The following LMX1A variants were observed in gnomAD, a reference collection of about 807,000 sequenced individuals.
The protein encoded by LMX1A is LIM homeobox transcription factor 1-alpha.
In LMX1A, 15 loss-of-function variants were observed where a neutral mutation model predicts 49.1. That is an observed-to-expected ratio of 0.31 (90% CI 0.20 to 0.47). The LOEUF (loss-of-function observed/expected upper bound fraction) is 0.47. Among genes scored for constraint, LMX1A ranks in the 20% least tolerant of loss-of-function variants. The pLI is 1.00. For missense variants in LMX1A, 372 were observed against 475.8 expected, an observed-to-expected ratio of 0.78 and a Z score of 2.03; for synonymous variants, 167 against 185.7, an observed-to-expected ratio of 0.90 and a Z score of 0.82.
intron 4 of LMX1A, among the ~76,000 whole-genome samples, chr1:165,235,159 G>A (rs988739354): frequency 7.4e-6 from 1 of 135,556 alleles, no homozygotes; most frequent in Non-Finnish European, 1.5e-5. Flanking sequence ...AGAGCGTATA[G>A]GGGGCGATGC....
chr1:165,238,155 C>A (rs1202899936), intron 4 of LMX1A, among the ~76,000 whole-genome samples: 1 of 152,214 alleles, frequency 6.6e-6, no homozygotes, highest in Non-Finnish European at 1.5e-5. Context: ...GAGTTCATTT[C>A]TCTGAAGAGT....
At chr1:165,346,848 C>G (rs867181422) in intron 3 of LMX1A, among the ~76,000 whole-genome samples, 1 of 152,122 alleles carries the variant, frequency 6.6e-6, no homozygotes, top group South Asian at 2.1e-4. Flanking sequence ...CTAATCCTCC[C>G]GTTAATTAAC....
intron 4 of LMX1A, among the ~76,000 whole-genome samples, chr1:165,248,528 T>C (rs1652941194): frequency 2.6e-5 from 4 of 152,234 alleles, no homozygotes; most frequent in Admixed American, 2.6e-4. Context: ...ATGTAATTTC[T>C]CTGACCTTGT....
At chr1:165,242,147 A>G (rs1354126241) in intron 4 of LMX1A, among the ~76,000 whole-genome samples, 2 of 152,242 alleles carry the variant, frequency 1.3e-5, no homozygotes, top group Admixed American at 6.5e-5. Flanking sequence ...CTGAGTGCCT[A>G]TTGCATGCCA....
intron 3 of LMX1A, among the ~76,000 whole-genome samples, chr1:165,330,316 A>G (rs773404066): frequency 1.3e-5 from 2 of 152,174 alleles, no homozygotes; most frequent in Non-Finnish European, 2.9e-5. Context: ...CCTACAAAAA[A>G]TTTCAAAGTT....
At chr1:165,254,909 C>A (rs368957181) in intron 3 of LMX1A, among the ~76,000 whole-genome samples, 1 of 152,244 alleles carries the variant, frequency 6.6e-6, no homozygotes, top group Non-Finnish European at 1.5e-5. Flanking sequence ...GAAAGCTCTG[C>A]AAATGATTCC....
rs748691610 is a variant in LMX1A, at chr1:165,249,529, G to A, written c.375C>T (p.Cys125=). ...YHLSCFCCCV[C]ERQLQKGDEF... ...CATCACCCTTCTGAAGCTGTCGCTCGCAGACACAGCAGCAGAAGCAGCTCA... is the reference window on the plus strand; with the variant it reads ...CATCACCCTTCTGAAGCTGTCGCTCACAGACACAGCAGCAGAAGCAGCTCA... Residue 125 remains cysteine (C), a synonymous_variant, in exon 4 of 9, where the codon TGC becomes TGT. Transcript: ENST00000342310. 50 of 1,613,946 alleles carry A rather than the reference G, an allele frequency of 3.1e-5. No individual in the cohort carries two copies. The highest frequency in any genetic ancestry group is 5.0e-5 in the Admixed American group (3 of 60,006).
chr1:165,246,412 G>C (rs1390620074), intron 4 of LMX1A, among the ~76,000 whole-genome samples: 1 of 152,134 alleles, frequency 6.6e-6, no homozygotes, highest in Non-Finnish European at 1.5e-5. Flanking sequence ...AATAATTATA[G>C]ATTTTTAGAG....
At chr1:165,299,635 A>C (rs544098606) in intron 3 of LMX1A, among the ~76,000 whole-genome samples, 1 of 152,334 alleles carries the variant, frequency 6.6e-6, no homozygotes, top group South Asian at 2.1e-4. Flanking sequence ...CCCAGTTTAT[A>C]CTGCAAATCG....
intron 3 of LMX1A, among the ~76,000 whole-genome samples, chr1:165,258,118 G>A (rs1226125924): frequency 6.6e-6 from 1 of 152,196 alleles, no homozygotes; most frequent in African/African-American, 2.4e-5. Flanking sequence ...TCTCCACCAG[G>A]GGGCAGCATA....
intron 3 of LMX1A, among the ~76,000 whole-genome samples, chr1:165,293,848 C>A (rs1203174044): frequency 6.6e-6 from 1 of 152,140 alleles, no homozygotes; most frequent in East Asian, 1.9e-4. Flanking sequence ...GATCTAATCG[C>A]CTCCCAAAGC....
chr1:165,252,122 T>C (rs1234838452), intron 3 of LMX1A, among the ~76,000 whole-genome samples: 1 of 152,254 alleles, frequency 6.6e-6, no homozygotes, highest in Non-Finnish European at 1.5e-5. Flanking sequence ...CCCAAGTTTA[T>C]AACTTATCTT....
At chr1:165,294,070 G>A (rs1383759391) in intron 3 of LMX1A, among the ~76,000 whole-genome samples, 2 of 152,316 alleles carry the variant, frequency 1.3e-5, no homozygotes, top group Middle Eastern at 3.4e-3. Flanking sequence ...GAAACACAGA[G>A]AGCTTACACA....
rs1200242323 is a variant in LMX1A at position 165,203,613 on chromosome 1, C to T, written c.*267G>A. On this transcript the variant is annotated 3_prime_UTR_variant, in exon 9 of 9. Transcript: ENST00000342310. ...AAGTATCTAGTTTGCATGAGAATGT[C>T]TATATTAAAAGTCTCTGTCCTTAAT... 1 of 286,370 alleles carries T rather than the reference C, an allele frequency of 3.5e-6. No individual in the cohort carries two copies. Among genetic ancestry groups the T allele is most frequent in the Middle Eastern group, 1.1e-3 (1 of 902 alleles). The allele number at this position is 286,370 out of a possible 1,614,324, so 17.7% of individuals were successfully genotyped here.
intron 3 of LMX1A, among the ~76,000 whole-genome samples, chr1:165,323,189 T>C (rs1379008973): frequency 1.3e-5 from 2 of 152,156 alleles, no homozygotes; most frequent in African/African-American, 2.4e-5. Context: ...TTAATAAATA[T>C]ATGTATCAAA....
chr1:165,259,718 G>T (rs1432891878), intron 3 of LMX1A, among the ~76,000 whole-genome samples: 1 of 152,200 alleles, frequency 6.6e-6, no homozygotes, highest in Non-Finnish European at 1.5e-5. Context: ...GGATCAGACA[G>T]AGCCTGAGAC....
At chr1:165,266,932 T>G (rs940679036) in intron 3 of LMX1A, among the ~76,000 whole-genome samples, 1 of 152,080 alleles carries the variant, frequency 6.6e-6, no homozygotes, top group African/African-American at 2.4e-5. Context: ...GCTTTCTCTC[T>G]CTCTCTCTTT....
chr1:165,316,984 A>G (rs1344952928), intron 3 of LMX1A, among the ~76,000 whole-genome samples: 1 of 152,208 alleles, frequency 6.6e-6, no homozygotes, highest in Admixed American at 6.5e-5. Context: ...AAAGAAAAAA[A>G]CCCAAAAGAT....
chr1:165,269,936 A>C (rs539049571), intron 3 of LMX1A, among the ~76,000 whole-genome samples: 6 of 152,148 alleles, frequency 3.9e-5, no homozygotes, highest in African/African-American at 1.4e-4. Context: ...AGAGCTAATG[A>C]ATGCTGGGCT....
Sources: gnomAD v4.1 joint callset for allele counts (sites outside exome capture counted in the v4.1 genomes callset) on GRCh38, gnomAD v4.1.1 for gene constraint, MANE v1.5 for transcripts, NCBI Gene and HGNC (gene_info 2026-07-23, HGNC 2026-07-21) for gene names.